Variants in PCDH15 observed in about 807,000 individuals in gnomAD.
PCDH15 encodes the protein protocadherin related 15, also known as protocadherin-15.
In PCDH15, 129 loss-of-function variants were observed where a neutral mutation model predicts 178.5. That is an observed-to-expected ratio of 0.72 (90% CI 0.63 to 0.84). PCDH15 has a LOEUF of 0.84. Among genes scored for constraint, PCDH15 ranks in the 40% least tolerant of loss-of-function variants. PCDH15 has a pLI of 0.00. For missense variants in PCDH15, 2,230 were observed against 2,099.9 expected (o/e 1.06, Z -1.21); for synonymous variants, 800 against 732.0 (o/e 1.09, Z -1.50).
rs113417543 is a variant in PCDH15 at position 54,895,436 on chromosome 10, T to A, written c.-29+2014A>T. ...ATTGTACTATACTCAGACAAATACC[T>A]CAAAGACAAGAGATAAGTTTAATAT... On this transcript the variant is annotated intron_variant, in intron 3 of 5. Transcript: ENST00000458638. Among the ~76,000 whole-genome samples the A allele has an allele frequency of 1.1e-4, 17 of 152,246 alleles. 1 individual carries two copies. Among genetic ancestry groups the A allele is most frequent in the African/African-American group, 3.9e-4 (16 of 41,538 alleles).
intron 2 of PCDH15, among the ~76,000 whole-genome samples, chr10:55,550,574 T>C (rs2132087320): frequency 6.6e-6 from 1 of 152,282 alleles, no homozygotes; most frequent in East Asian, 1.9e-4. Context: ...TCTAAATGTA[T>C]ATGTTCATTT....
chr10:54,056,954 T>C (rs1590159324), intron 18 of PCDH15, among the ~76,000 whole-genome samples: 1 of 152,026 alleles, frequency 6.6e-6, no homozygotes, highest in African/African-American at 2.4e-5. Flanking sequence ...CAAAATCCAA[T>C]GGGGAAGTCA....
intron 1 of PCDH15, among the ~76,000 whole-genome samples, chr10:55,309,959 T>A (rs552997180): frequency 2.0e-5 from 3 of 152,270 alleles, no homozygotes; most frequent in Admixed American, 2.0e-4. Context: ...CTACTTCCAT[T>A]TTTTTCCCTT....
intron 2 of PCDH15, among the ~76,000 whole-genome samples, chr10:55,100,225 T>C (rs1363015852): frequency 6.6e-6 from 1 of 152,182 alleles, no homozygotes; most frequent in African/African-American, 2.4e-5. Flanking sequence ...TTCCTAATCA[T>C]GTGTTTTAGA....
rs956968934 is a variant in PCDH15, at chr10:55,330,151, T to C, written c.-155-163500A>G. Among the ~76,000 whole-genome samples, 4 of 151,864 alleles carry C rather than the reference T, an allele frequency of 2.6e-5. No homozygotes were observed. In the East Asian group the frequency reaches 7.7e-4, roughly 29 times the overall value. On this transcript the variant is annotated intron_variant, in intron 2 of 5. Coordinates refer to the PCDH15 transcript ENST00000613346. ...AATTCATATACTATTATTTAGTGATTAAACTTATTTTAATAGTTAAATTTA... is the reference window on the plus strand; with the variant it reads ...AATTCATATACTATTATTTAGTGATCAAACTTATTTTAATAGTTAAATTTA...
intron 1 of PCDH15, among the ~76,000 whole-genome samples, chr10:55,258,149 T>G (rs1842051270): frequency 6.6e-6 from 1 of 152,184 alleles, no homozygotes; most frequent in Non-Finnish European, 1.5e-5. Context: ...ATCTTATCAT[T>G]GGAATTTGCT....
intron 2 of PCDH15, among the ~76,000 whole-genome samples, chr10:55,548,210 GCACACACACACACACACA>G (rs200097115): frequency 1.4e-4 from 17 of 121,290 alleles, no homozygotes; most frequent in South Asian, 6.4e-4. Context: ...AATGCCTAAT[GCACACACACACACACACA>G]CACACACACA....
chr10:54,542,712 T>C (rs1484806884), intron 2 of PCDH15, among the ~76,000 whole-genome samples: 1 of 152,024 alleles, frequency 6.6e-6, no homozygotes, highest in African/African-American at 2.4e-5. Flanking sequence ...ACGGGAGTAC[T>C]GGGAAGGGAA....
chr10:55,407,206 C>T (rs1014505137), intron 2 of PCDH15, among the ~76,000 whole-genome samples: 1 of 151,910 alleles, frequency 6.6e-6, no homozygotes, highest in Non-Finnish European at 1.5e-5. Flanking sequence ...CAAGATTGGT[C>T]GAGGGAATAC....
intron 3 of PCDH15, among the ~76,000 whole-genome samples, chr10:54,814,474 C>T (rs1952917406): frequency 6.6e-6 from 1 of 152,108 alleles, no homozygotes; most frequent in Admixed American, 6.5e-5. Context: ...AATAACCCTT[C>T]AATGTGGTCA....
chr10:55,327,353 C>T (rs945183220), intron 2 of PCDH15, among the ~76,000 whole-genome samples: 2 of 151,698 alleles, frequency 1.3e-5, no homozygotes, highest in Non-Finnish European at 2.9e-5. Context: ...ATTTTTGTTA[C>T]AGAAGTTTGA....
At chr10:55,069,926 C>G (rs1403413601) in intron 2 of PCDH15, among the ~76,000 whole-genome samples, 1 of 152,182 alleles carries the variant, frequency 6.6e-6, no homozygotes, top group East Asian at 1.9e-4. Flanking sequence ...TCTCCACATT[C>G]TGTCCAGCAC....
At chr10:54,638,235 G>T (rs951140484) in intron 2 of PCDH15, among the ~76,000 whole-genome samples, 5 of 152,024 alleles carry the variant, frequency 3.3e-5, no homozygotes, top group Non-Finnish European at 7.4e-5. Flanking sequence ...TATGAGACTG[G>T]ATTGGGGTAC....
intron 2 of PCDH15, among the ~76,000 whole-genome samples, chr10:54,967,680 T>A (rs982052727): frequency 2.0e-5 from 3 of 152,174 alleles, no homozygotes; most frequent in Non-Finnish European, 4.4e-5. Context: ...AACCTTCCTA[T>A]ATAAGCTGTG....
At chr10:55,276,012 TATA>T (rs1043127181) in intron 1 of PCDH15, among the ~76,000 whole-genome samples, 1 of 151,252 alleles carries the variant, frequency 6.6e-6, no homozygotes, top group African/African-American at 2.4e-5. Context: ...TTTTGATATG[TATA>T]ATGATTCTTA....
intron 8 of PCDH15, among the ~76,000 whole-genome samples, chr10:54,274,440 C>T (rs1306779871): frequency 1.3e-5 from 2 of 151,938 alleles, no homozygotes; most frequent in Non-Finnish European, 2.9e-5. Context: ...GTATATTTTA[C>T]ACACTTTATT....
At chr10:54,151,545 A>G (rs561217262) in intron 14 of PCDH15, among the ~76,000 whole-genome samples, 3 of 152,038 alleles carry the variant, frequency 2.0e-5, no homozygotes, top group Non-Finnish European at 4.4e-5. Context: ...GGCTAGGGGG[A>G]AAAAATGTAA....
intron 1 of PCDH15, among the ~76,000 whole-genome samples, chr10:55,206,316 A>G (rs1207666704): frequency 3.9e-5 from 6 of 152,120 alleles, no homozygotes; most frequent in Non-Finnish European, 7.3e-5. Flanking sequence ...TTTAAATGTC[A>G]AGTTGTGATC....
rs1840179839 is a variant in PCDH15, at chr10:55,016,376, C to G, written c.-79-118876G>C. Among the ~76,000 whole-genome samples, 4 of 148,850 alleles carry G rather than the reference C, an allele frequency of 2.7e-5. No homozygotes were observed. The South Asian group carries it at 8.6e-4, about 32-fold the overall frequency. On this transcript the variant is annotated intron_variant, in intron 2 of 5. Transcript: ENST00000458638. ...TATTCTATCTAACTATATTTTTGTA[C>G]CCATTAACCATCCACTCTTCCCTAG...
Sources: allele counts gnomAD v4.1 joint callset (sites outside exome capture counted in the v4.1 genomes callset), GRCh38; gene constraint gnomAD v4.1.1; transcripts MANE v1.5; gene names NCBI Gene and HGNC (gene_info 2026-07-23, HGNC 2026-07-21).